The following FGF14 variants were observed in gnomAD, a reference collection of about 807,000 sequenced individuals.
FGF14 encodes fibroblast growth factor homologous factor 4.
A neutral mutation model predicts 25.5 loss-of-function variants in FGF14; 5 were observed. The observed-to-expected ratio is 0.20, with a 90% confidence interval of 0.10 to 0.41. The LOEUF is 0.41. Among genes scored for constraint, FGF14 ranks in the 10% least tolerant of loss-of-function variants. FGF14 has a pLI of 1.00. For missense variants in FGF14, 222 were observed against 320.1 expected, an observed-to-expected ratio of 0.69 and a Z score of 2.34; for synonymous variants, 138 against 118.3, an observed-to-expected ratio of 1.17 and a Z score of -1.08.
intron 1 of FGF14, among the ~76,000 whole-genome samples, chr13:102,067,935 T>C (rs1262343120): frequency 6.6e-6 from 1 of 151,810 alleles, no homozygotes; most frequent in African/African-American, 2.4e-5. Flanking sequence ...ACACATAACA[T>C]ACAATAGCAC....
chr13:102,124,636 G>A (rs1048757174), intron 1 of FGF14, among the ~76,000 whole-genome samples: 3 of 152,078 alleles, frequency 2.0e-5, no homozygotes, highest in African/African-American at 7.2e-5. Context: ...CAAGTCCTCT[G>A]ATGGGCCAGA....
chr13:102,095,336 CCAGA>C (rs1172041403), intron 1 of FGF14, among the ~76,000 whole-genome samples: 6 of 152,030 alleles, frequency 3.9e-5, no homozygotes, highest in African/African-American at 1.5e-4. Flanking sequence ...TGAATCCGTG[CCAGA>C]CAGTCATCAG....
At chr13:102,255,275 C>A (rs1434103050) in intron 1 of FGF14, among the ~76,000 whole-genome samples, 1 of 152,166 alleles carries the variant, frequency 6.6e-6, no homozygotes, top group Non-Finnish European at 1.5e-5. Context: ...ATCCAAATGT[C>A]CAACCATCTT....
chr13:101,884,621 C>G (rs1234723558), intron 1 of FGF14, among the ~76,000 whole-genome samples: 2 of 152,010 alleles, frequency 1.3e-5, no homozygotes, highest in East Asian at 3.9e-4. Context: ...TCCAATACTC[C>G]TAGCTATCCT....
At chr13:102,140,476 A>T (rs2046602728) in intron 1 of FGF14, among the ~76,000 whole-genome samples, 1 of 152,188 alleles carries the variant, frequency 6.6e-6, no homozygotes, top group African/African-American at 2.4e-5. Flanking sequence ...AAAGTGTATC[A>T]TTCCATTATT....
intron 1 of FGF14, among the ~76,000 whole-genome samples, chr13:102,176,813 G>A (rs961924867): frequency 4.6e-5 from 7 of 152,104 alleles, no homozygotes; most frequent in Non-Finnish European, 8.8e-5. Flanking sequence ...GGTTTCATGC[G>A]TAAATGCATT....
intron 1 of FGF14, among the ~76,000 whole-genome samples, chr13:102,271,355 G>T (rs989368234): frequency 1.3e-5 from 2 of 151,994 alleles, no homozygotes; most frequent in Non-Finnish European, 2.9e-5. Context: ...TCGTCCATTT[G>T]CCGTGTTCCA....
At chr13:101,952,069 CCTA>C (rs1264350049) in intron 1 of FGF14, among the ~76,000 whole-genome samples, 1 of 152,044 alleles carries the variant, frequency 6.6e-6, no homozygotes, top group Non-Finnish European at 1.5e-5. Context: ...TTGTCAAGTG[CCTA>C]CTATTTTAAA....
intron 1 of FGF14, among the ~76,000 whole-genome samples, chr13:101,900,621 A>T (rs2031410780): frequency 6.6e-6 from 1 of 152,152 alleles, no homozygotes; most frequent in African/African-American, 2.4e-5. Context: ...TTTTTCAAGT[A>T]GGCAAGACTA....
At chr13:102,161,651 A>ACCC (rs1566765228) in intron 1 of FGF14, among the ~76,000 whole-genome samples, 2 of 13,840 alleles carry the variant, frequency 1.4e-4, no homozygotes, top group African/African-American at 6.6e-4. Context: ...AAGAAGAAGA[A>ACCC]GAAGAAGAAG....
At chr13:102,345,982 A>G (rs1362253916) in intron 1 of FGF14, among the ~76,000 whole-genome samples, 2 of 152,212 alleles carry the variant, frequency 1.3e-5, no homozygotes, top group Admixed American at 1.3e-4. Context: ...AATGGTAACA[A>G]TGATGGAATA....
At chr13:101,796,871 C>T (rs1301795708) in intron 3 of FGF14, among the ~76,000 whole-genome samples, 1 of 152,072 alleles carries the variant, frequency 6.6e-6, no homozygotes, top group African/African-American at 2.4e-5. Context: ...TTGCTGTCCC[C>T]TCCTGCAAGG....
chr13:101,791,286 T>C lies in FGF14; in HGVS notation c.409-64476A>G, dbSNP rs532611517. Among the ~76,000 whole-genome samples the C allele has an allele frequency of 4.6e-5, 7 of 152,286 alleles. No individual in the cohort carries two copies. In the South Asian group the frequency reaches 1.5e-3, roughly 32 times the overall value. On this transcript the variant is annotated intron_variant, in intron 3 of 4. Coordinates refer to ENST00000376143, the MANE Select transcript of FGF14 (RefSeq NM_004115.4). ...TAACCGGCATGAAATATAGGCGGCA[T>C]GAATATTTTGGGGTGTGAAGCATTG...
chr13:102,368,021 C>T (rs906458351), intron 1 of FGF14: 3 of 152,174 alleles, frequency 2.0e-5, no homozygotes, highest in African/African-American at 7.2e-5. Flanking sequence ...GGGAGTGTGA[C>T]CGCATCGTGG....
At chr13:101,911,528 A>G (rs1468911226) in intron 1 of FGF14, among the ~76,000 whole-genome samples, 1 of 152,190 alleles carries the variant, frequency 6.6e-6, no homozygotes, top group Non-Finnish European at 1.5e-5. Flanking sequence ...TCAGAAACCT[A>G]TAGCAAATAT....
At chr13:102,002,640 G>A (rs1340965328) in intron 1 of FGF14, 1 of 154,418 alleles carries the variant, frequency 6.5e-6, no homozygotes, top group Non-Finnish European at 1.5e-5. Context: ...AGATTAGCTA[G>A]ATGACTGTTG....
chr13:102,005,061 C>T (rs2039709364), intron 1 of FGF14, among the ~76,000 whole-genome samples: 1 of 152,126 alleles, frequency 6.6e-6, no homozygotes, highest in Non-Finnish European at 1.5e-5. Context: ...AATTCCTTTC[C>T]AAAGAAGAGA....
At chr13:101,987,154 T>C (rs2038631949) in intron 1 of FGF14, among the ~76,000 whole-genome samples, 1 of 152,114 alleles carries the variant, frequency 6.6e-6, no homozygotes, top group African/African-American at 2.4e-5. Context: ...TAGTATCTTC[T>C]TTTTAAAACA....
chr13:102,134,713 G>A (rs937613021), intron 1 of FGF14, among the ~76,000 whole-genome samples: 3 of 152,096 alleles, frequency 2.0e-5, no homozygotes, highest in Non-Finnish European at 4.4e-5. Flanking sequence ...GACTGATATG[G>A]CATCTGAGAT....
Sources: allele counts gnomAD v4.1 joint callset (sites outside exome capture counted in the v4.1 genomes callset), GRCh38; gene constraint gnomAD v4.1.1; transcripts MANE v1.5; gene names NCBI Gene and HGNC (gene_info 2026-07-23, HGNC 2026-07-21).